The following GPR158 variants were observed in gnomAD, a reference collection of about 807,000 sequenced individuals.
GPR158 encodes the protein G protein-coupled receptor 158, also known as metabotropic glycine receptor.
Under a neutral mutation model 78.2 loss-of-function variants are expected in GPR158, and 30 were observed. That is an observed-to-expected ratio of 0.38 (90% CI 0.29 to 0.52). The LOEUF is 0.52. Ranked by LOEUF, GPR158 falls within the 20% of genes least tolerant of loss-of-function variation. The pLI, the probability that GPR158 is intolerant of heterozygous loss-of-function variation, is 0.83. For missense variants in GPR158, 1,463 were observed against 1,523.5 expected (o/e 0.96, Z 0.66); for synonymous variants, 581 against 591.1 (o/e 0.98, Z 0.25).
In GPR158 at chr10:25,542,168, A is replaced by G. The variant is rs577457962; in HGVS notation, c.1405-8808A>G. On this transcript the variant is annotated intron_variant, in intron 5 of 10. Coordinates refer to ENST00000376351, the MANE Select transcript of GPR158 (RefSeq NM_020752.3). Reference sequence around the variant, plus strand: ...AAAACTGTTCTCACACTCTCTACTAACAGAAACCCCAAAGCACATAACACC... The same window carrying G: ...AAAACTGTTCTCACACTCTCTACTAGCAGAAACCCCAAAGCACATAACACC... Among the ~76,000 whole-genome samples the G allele has an allele frequency of 5.3e-5, 8 of 152,112 alleles. No homozygotes were observed. In the South Asian group the frequency reaches 1.7e-3, roughly 32 times the overall value.
chr10:25,485,433 A>T (rs949087161), intron 5 of GPR158, among the ~76,000 whole-genome samples: 1 of 152,194 alleles, frequency 6.6e-6, no homozygotes, highest in Non-Finnish European at 1.5e-5. Flanking sequence ...ATCCAGAGCC[A>T]TGTAAACGTG....
intron 4 of GPR158, among the ~76,000 whole-genome samples, chr10:25,426,977 A>C (rs1369394287): frequency 7.0e-4 from 50 of 71,858 alleles, no homozygotes; most frequent in Non-Finnish European, 2.5e-4. Flanking sequence ...AATAATTCAA[A>C]TTAGATAGTT....
chr10:25,333,598 T>C (rs1855158001), intron 2 of GPR158, among the ~76,000 whole-genome samples: 3 of 152,146 alleles, frequency 2.0e-5, no homozygotes, highest in Non-Finnish European at 4.4e-5. Context: ...TAGCTGGATA[T>C]GTTACAATGG....
intron 5 of GPR158, among the ~76,000 whole-genome samples, chr10:25,468,178 G>A (rs1242852975): frequency 1.3e-5 from 2 of 152,118 alleles, no homozygotes; most frequent in Non-Finnish European, 2.9e-5. Flanking sequence ...ATCTTAAGGA[G>A]TGTTTGGGGG....
At chr10:25,290,788 C>CT in intron 2 of GPR158, among the ~76,000 whole-genome samples, 2 of 152,060 alleles carry the variant, frequency 1.3e-5, no homozygotes, top group Non-Finnish European at 2.9e-5. Flanking sequence ...TATTTCAGTT[C>CT]TTTTAGATAA....
chr10:25,499,854 C>T (rs961164152), intron 5 of GPR158, among the ~76,000 whole-genome samples: 9 of 152,186 alleles, frequency 5.9e-5, no homozygotes, highest in South Asian at 2.1e-4. Context: ...AGTGTGCCTG[C>T]GTCACTGTGG....
intron 5 of GPR158, among the ~76,000 whole-genome samples, chr10:25,543,568 C>T (rs1336367057): frequency 3.3e-5 from 5 of 152,108 alleles, no homozygotes; most frequent in Admixed American, 6.6e-5. Flanking sequence ...ATGTATCCAT[C>T]ACTTAAATAA....
chr10:25,375,251 T>C (rs1834061511), intron 2 of GPR158, among the ~76,000 whole-genome samples: 1 of 151,688 alleles, frequency 6.6e-6, no homozygotes, highest in African/African-American at 2.4e-5. Context: ...TACCCTTCAA[T>C]TTTAAGAGTT....
chr10:25,449,272 CTTA>C (rs1835182598), intron 4 of GPR158, among the ~76,000 whole-genome samples: 1 of 152,144 alleles, frequency 6.6e-6, no homozygotes, highest in Non-Finnish European at 1.5e-5. Context: ...CTTGATAGCT[CTTA>C]TTTTTTTCTT....
intron 4 of GPR158, among the ~76,000 whole-genome samples, chr10:25,429,767 C>CT (rs1021479331): frequency 1.5e-5 from 2 of 137,452 alleles, no homozygotes; most frequent in Non-Finnish European, 3.1e-5. Context: ...AACCACATGA[C>CT]TATCTCAATA....
chr10:25,267,951 CTTAATT>C (rs1854065098), intron 2 of GPR158, among the ~76,000 whole-genome samples: 1 of 152,020 alleles, frequency 6.6e-6, no homozygotes, highest in African/African-American at 2.4e-5. Context: ...AGTTGTTACT[CTTAATT>C]TTATTATCAC....
intron 4 of GPR158, among the ~76,000 whole-genome samples, chr10:25,452,840 T>C (rs968840418): frequency 6.6e-6 from 1 of 152,182 alleles, no homozygotes; most frequent in East Asian, 1.9e-4. Flanking sequence ...AACTTATTCA[T>C]CTTATAACTG....
intron 5 of GPR158, among the ~76,000 whole-genome samples, chr10:25,478,958 C>G (rs1055074211): frequency 6.6e-6 from 1 of 152,008 alleles, no homozygotes; most frequent in East Asian, 1.9e-4. Flanking sequence ...CATCCATGTC[C>G]CTACAAAGGA....
intron 4 of GPR158, among the ~76,000 whole-genome samples, chr10:25,414,973 T>C (rs886106828): frequency 2.0e-5 from 3 of 152,136 alleles, no homozygotes; most frequent in Non-Finnish European, 4.4e-5. Flanking sequence ...CCTTTTATTG[T>C]CTAGCTTTCT....
At chr10:25,542,517 T>C (rs1836600491) in intron 5 of GPR158, among the ~76,000 whole-genome samples, 1 of 152,072 alleles carries the variant, frequency 6.6e-6, no homozygotes. Flanking sequence ...AAATAAGTTA[T>C]TCTGTTAAAA....
chr10:25,516,324 T>G (rs1417521948), intron 5 of GPR158, among the ~76,000 whole-genome samples: 1 of 150,012 alleles, frequency 6.7e-6, no homozygotes, highest in East Asian at 2.0e-4. Flanking sequence ...GTAGGTTGCC[T>G]GTTCACTCTG....
At chr10:25,346,800 A>T (rs1002774349) in intron 2 of GPR158, among the ~76,000 whole-genome samples, 11 of 151,966 alleles carry the variant, frequency 7.2e-5, no homozygotes, top group African/African-American at 2.4e-4. Context: ...AATTGATGAA[A>T]GATCTAAATT....
intron 5 of GPR158, among the ~76,000 whole-genome samples, chr10:25,501,868 T>C (rs1191008035): frequency 6.6e-6 from 1 of 152,194 alleles, no homozygotes; most frequent in Non-Finnish European, 1.5e-5. Flanking sequence ...ACGTGGCTAA[T>C]TTGAACTTCA....
At chr10:25,277,720 A>G (rs1355693512) in intron 2 of GPR158, among the ~76,000 whole-genome samples, 1 of 152,110 alleles carries the variant, frequency 6.6e-6, no homozygotes, top group African/African-American at 2.4e-5. Flanking sequence ...CTAAACCTGG[A>G]CCCTCAAAGG....
Sources: gnomAD v4.1 joint callset for allele counts (sites outside exome capture counted in the v4.1 genomes callset) on GRCh38, gnomAD v4.1.1 for gene constraint, MANE v1.5 for transcripts, NCBI Gene and HGNC (gene_info 2026-07-23, HGNC 2026-07-21) for gene names.